Variants in SLC25A25 observed in about 807,000 individuals in gnomAD.
SLC25A25 encodes solute carrier family 25 member 25.
Under a neutral mutation model 57.7 loss-of-function variants are expected in SLC25A25, and 32 were observed. That is an observed-to-expected ratio of 0.55 (90% confidence interval 0.42 to 0.74). The LOEUF is 0.74. Among genes scored for constraint, SLC25A25 ranks in the 30% least tolerant of loss-of-function variants. SLC25A25 has a pLI of 0.00. For missense variants in SLC25A25, 556 were observed against 701.3 expected, an observed-to-expected ratio of 0.79 and a Z score of 2.34; for synonymous variants, 306 against 291.2, an observed-to-expected ratio of 1.05 and a Z score of -0.52.
chr9:128,099,352 C>A lies in SLC25A25; in HGVS notation c.262-1744C>A. ...AGGCCCAGGCCCTGTGAGGCAGAAG[C>A]AAGCACTTTGAGAATGCGTTGAAGC... On this transcript the variant is annotated intron_variant, in intron 1 of 10. Transcript: ENST00000373069. The surrounding 1 kb of genome is among the most constrained non-coding windows in gnomAD (Gnocchi z 6.8). The A allele has an allele frequency of 8.0e-7, 1 of 1,249,172 alleles. No homozygotes were observed. The highest frequency in any genetic ancestry group is 2.8e-5 in the Admixed American group (1 of 35,604). 77.4% of individuals were successfully genotyped at this position (1,249,172 alleles called of 1,614,324 possible). A position where few individuals can be genotyped will look rare whatever the true frequency, so the allele number is the denominator to read the frequency against.
rs774837582 is a variant in SLC25A25, at chr9:128,102,852, A to G, written c.624+371A>G. On this transcript the variant is annotated intron_variant, in intron 5 of 10. Coordinates refer to ENST00000373069, the MANE Select transcript of SLC25A25 (RefSeq NM_001330988.2). This position sits in a 1 kb window ranked among gnomAD's most constrained non-coding sequence, Gnocchi z 4.1. ...GTGGGAGGGGGCTGGGGCAGAAGCT[A>G]CTCTACAGAGAACACCTAGGCAGAG... Among the ~76,000 whole-genome samples, 1 of 151,958 alleles carries G rather than the reference A, an allele frequency of 6.6e-6. No individual in the cohort carries two copies. The highest frequency in any genetic ancestry group is 1.5e-5 in the Non-Finnish European group (1 of 67,980).
chr9:128,074,089 G>A (rs1832959580), intron 1 of SLC25A25, among the ~76,000 whole-genome samples: 1 of 151,790 alleles, frequency 6.6e-6, no homozygotes. Context: ...ACCCAGGCTG[G>A]AGTGCGGTGG....
chr9:128,099,398 T>G lies in SLC25A25; in HGVS notation c.262-1698T>G. 1 of 1,170,648 alleles carries G rather than the reference T, an allele frequency of 8.5e-7. No individual in the cohort carries two copies. Among genetic ancestry groups the G allele is most frequent in the Non-Finnish European group, 1.1e-6 (1 of 931,164 alleles). 72.5% of individuals were successfully genotyped at this position (1,170,648 alleles called of 1,614,324 possible). The stretch of plus-strand genomic sequence containing the variant: ...GAAGCCAGCTGCGGTGAGCACACCC[T>G]CTGCTCTGGGTGTCTGCGACAGCAC... On this transcript the variant is annotated intron_variant, in intron 1 of 10. Coordinates refer to ENST00000373069, the MANE Select transcript of SLC25A25 (RefSeq NM_001330988.2). This position sits in a 1 kb window ranked among gnomAD's most constrained non-coding sequence, Gnocchi z 6.8.
chr9:128,097,586 G>A (rs10819359), intron 1 of SLC25A25, among the ~76,000 whole-genome samples: 18,925 of 152,150 alleles, frequency 0.12, 1,289 homozygotes, highest in South Asian at 0.22. Flanking sequence ...GTGCCACCAC[G>A]CCTGGCTATG....
rs201558106 is a variant in SLC25A25, at chr9:128,107,311, T to C, written c.1415T>C (p.Ile472Thr). The C allele has an allele frequency of 1.3e-6, 2 of 1,560,142 alleles. No homozygotes were observed. The highest frequency in any genetic ancestry group is 1.7e-4 in the Middle Eastern group (1 of 5,812). ...ACCATGAGCAGCCTCTTCAAACATATCCTGCGGACCGAGGGGGCCTTCGGG... is the reference window on the plus strand; with the variant it reads ...ACCATGAGCAGCCTCTTCAAACATACCCTGCGGACCGAGGGGGCCTTCGGG... ...EVTMSSLFKH[I>T]LRTEGAFGLY... The change falls in exon 11 of 11, where the codon ATC (isoleucine) becomes ACC (threonine). Residue 472 changes from isoleucine (I) to threonine (T), a missense_variant. By Grantham distance (89) the Ile-to-Thr change is moderately conservative. Around this residue, in one of 3 missense-constraint regions of SLC25A25, gnomAD observed 294 missense variants for 389.6 expected, o/e 0.75. Coordinates refer to ENST00000373069, the MANE Select transcript of SLC25A25 (RefSeq NM_001330988.2).
intron 1 of SLC25A25, among the ~76,000 whole-genome samples, chr9:128,086,626 C>A (rs1833282419): frequency 6.6e-6 from 1 of 152,102 alleles, no homozygotes; most frequent in Non-Finnish European, 1.5e-5. Context: ...AGCCACTGTG[C>A]CTGGCCACTT....
At chr9:128,081,219 G>T (rs1291852092) in intron 1 of SLC25A25, among the ~76,000 whole-genome samples, 1 of 152,178 alleles carries the variant, frequency 6.6e-6, no homozygotes. Flanking sequence ...CCCAGGGAGG[G>T]TTTCACCCCC....
chr9:128,077,509 T>A (rs1354165505), intron 1 of SLC25A25, among the ~76,000 whole-genome samples: 1 of 91,136 alleles, frequency 1.1e-5, no homozygotes. Flanking sequence ...AGAGCAAGAC[T>A]CCGTCTTAAA....
At chr9:128,081,040 C>T (rs750195035) in intron 1 of SLC25A25, among the ~76,000 whole-genome samples, 14 of 152,194 alleles carry the variant, frequency 9.2e-5, no homozygotes, top group Non-Finnish European at 1.8e-4. Context: ...GTCTCTTCCT[C>T]TCTAACCTAC....
Position 128,107,480 on chromosome 9 carries a change from C to G in SLC25A25, c.*36C>G. 1 of 1,503,144 alleles carries G rather than the reference C, an allele frequency of 6.7e-7. No individual in the cohort carries two copies. The highest frequency in any genetic ancestry group is 8.9e-7 in the Non-Finnish European group (1 of 1,125,834). The allele number at this position is 1,503,144 out of a possible 1,614,324, so 93.1% of individuals were successfully genotyped here. On this transcript the variant is annotated 3_prime_UTR_variant, in exon 11 of 11. Coordinates refer to ENST00000373069, the MANE Select transcript of SLC25A25 (RefSeq NM_001330988.2). Reference sequence around the variant, plus strand: ...GCCGCCCGGCAGTGGACTCGCTGATCCTGGGCCGCAGCCTGGGGTGTGCAG... The same window carrying G: ...GCCGCCCGGCAGTGGACTCGCTGATGCTGGGCCGCAGCCTGGGGTGTGCAG...
chr9:128,087,459 G>A (rs1000283826), intron 1 of SLC25A25, among the ~76,000 whole-genome samples: 3 of 152,110 alleles, frequency 2.0e-5, no homozygotes, highest in African/African-American at 7.2e-5. Context: ...TATGTAATGG[G>A]TCTTGTTTTC....
At chr9:128,088,946 G>A (rs10760534) in intron 1 of SLC25A25, among the ~76,000 whole-genome samples, 112,669 of 151,772 alleles carry the variant, frequency 0.74, 43,631 homozygotes, top group Non-Finnish European at 0.85. Context: ...TATTTTTGAG[G>A]CAGGGTCTCA....
At chr9:128,080,409 A>G (rs1833129024) in intron 1 of SLC25A25, among the ~76,000 whole-genome samples, 1 of 149,526 alleles carries the variant, frequency 6.7e-6, no homozygotes, top group African/African-American at 2.5e-5. Context: ...TCTGTAGAGT[A>G]GATAGGACAC....
intron 6 of SLC25A25, 145 bp from the exon 7 acceptor site, chr9:128,105,584 C>A: frequency 8.2e-7 from 1 of 1,217,826 alleles, no homozygotes; most frequent in South Asian, 1.4e-5. Context: ...TTACTTTGGG[C>A]TCATGATTCC....
chr9:128,099,002 T>A lies in SLC25A25; in HGVS notation c.262-2094T>A. The A allele has an allele frequency of 1.0e-6, 1 of 985,280 alleles. No homozygotes were observed. The highest frequency in any genetic ancestry group is 1.2e-6 in the Non-Finnish European group (1 of 829,882). 61.0% of individuals were successfully genotyped at this position (985,280 alleles called of 1,614,324 possible). A position where few individuals can be genotyped will look rare whatever the true frequency, so the allele number is the denominator to read the frequency against. ...CCTTTTGCTGGAATGAGGGGGGTGT[T>A]CCTGAGAAGTACAGAGCCAGAAAGG... On this transcript the variant is annotated intron_variant, in intron 1 of 10. Coordinates refer to ENST00000373069, the MANE Select transcript of SLC25A25 (RefSeq NM_001330988.2). This position sits in a 1 kb window ranked among gnomAD's most constrained non-coding sequence, Gnocchi z 6.8.
chr9:128,106,310 G>A (rs1834032200), intron 8 of SLC25A25, 43 bp from the exon 9 acceptor site: 6 of 1,613,840 alleles, frequency 3.7e-6, no homozygotes, highest in Non-Finnish European at 5.1e-6. Context: ...ACTGGGGAGA[G>A]GCACAGGCTG....
rs1162618740 is a variant in SLC25A25 at position 128,095,800 on chromosome 9, A to C, written c.262-5296A>C. ...ACTCCAGCCTGGGCGACAGAGCAAG[A>C]CTCCATCTTAGGAAAGACAAAGAAA... On this transcript the variant is annotated intron_variant, in intron 1 of 10. Coordinates refer to ENST00000373069, the MANE Select transcript of SLC25A25 (RefSeq NM_001330988.2). This position sits in a 1 kb window ranked among gnomAD's most constrained non-coding sequence, Gnocchi z 4.4. Among the ~76,000 whole-genome samples the C allele has an allele frequency of 2.6e-5, 4 of 152,064 alleles. No individual in the cohort carries two copies. Among genetic ancestry groups the C allele is most frequent in the Non-Finnish European group, 5.9e-5 (4 of 67,962 alleles).
chr9:128,105,763 T>C lies in SLC25A25; in HGVS notation c.818T>C (p.Val273Ala). Residue 273 changes from valine (V) to alanine (A), a missense_variant, in exon 7 of 11, where the codon GTT becomes GCT. Val to Ala is a moderately conservative substitution (Grantham distance 64). This residue lies in a region of SLC25A25 where 294 missense variants were observed against 389.6 expected (regional missense o/e 0.75). Coordinates refer to ENST00000373069, the MANE Select transcript of SLC25A25 (RefSeq NM_001330988.2). ...HASRSNNMGI[V>A]GGFTQMIREG... ...TCCCGCAGCAACAACATGGGCATCG[T>C]TGGTGGCTTCACTCAGATGATTCGA... 1 of 1,613,860 alleles carries C rather than the reference T, an allele frequency of 6.2e-7. No individual in the cohort carries two copies. Among genetic ancestry groups the C allele is most frequent in the Non-Finnish European group, 8.5e-7 (1 of 1,180,028 alleles).
intron 1 of SLC25A25, among the ~76,000 whole-genome samples, chr9:128,093,053 G>A (rs10760537): frequency 0.17 from 25,644 of 152,162 alleles, 2,310 homozygotes; most frequent in South Asian, 0.25. Context: ...GATTCTGCCC[G>A]TTTGGCACAT....
Sources: gnomAD v4.1 joint callset for allele counts (sites outside exome capture counted in the v4.1 genomes callset) on GRCh38, gnomAD v4.1.1 for gene constraint, gnomAD v4.1.1 regional missense constraint, Gnocchi (gnomAD v3.1) non-coding constraint, MANE v1.5 for transcripts, NCBI Gene and HGNC (gene_info 2026-07-23, HGNC 2026-07-21) for gene names.